Variants in ZBTB20 observed in about 807,000 individuals in gnomAD.
ZBTB20 encodes the protein zinc finger and BTB domain-containing protein 20.
A neutral mutation model predicts 56.9 loss-of-function variants in ZBTB20; 9 were observed. The observed-to-expected ratio is 0.16, with a 90% CI of 0.10 to 0.28. ZBTB20 has a LOEUF of 0.28. Ranked by LOEUF, ZBTB20 falls within the 10% of genes least tolerant of loss-of-function variation. The pLI is 1.00. For missense variants in ZBTB20, 655 were observed against 1,003.0 expected (o/e 0.65, Z 4.69); for synonymous variants, 417 against 420.7 (o/e 0.99, Z 0.11).
In ZBTB20 at chr3:114,576,327, G is replaced by T. The variant is rs1236887746; in HGVS notation, c.-294-75936C>A. On this transcript the variant is annotated intron_variant, in intron 6 of 11. Coordinates refer to ENST00000675478, the MANE Select transcript of ZBTB20 (RefSeq NM_001348800.3). ...ATCCTGGCTAACACAGTGAAACCCC[G>T]TCTCTACTAAAAATACAAAAAGAAA... Among the ~76,000 whole-genome samples the T allele has an allele frequency of 2.6e-5, 4 of 151,242 alleles. No homozygotes were observed. The East Asian group carries it at 7.8e-4, about 29-fold the overall frequency.
Position 114,380,226 on chromosome 3 carries a change from A to G in ZBTB20, c.190T>C (p.Ser64Pro). ...SLTNSHAHTGSSDCDISCKGM... is the reference protein window; with the variant it reads ...SLTNSHAHTGPSDCDISCKGM... ...TTAGTGGTGTACTCACAATCAGATG[A>G]CCCGGTGTGAGCGTGAGAGTTTGTC... The change falls in exon 10 of 12, where the codon TCA becomes CCA. Residue 64 changes from serine to proline, a missense_variant. Transcript: ENST00000675478. The G allele has an allele frequency of 6.5e-7, 1 of 1,536,136 alleles. No homozygotes were observed. The highest frequency in any genetic ancestry group is 8.7e-7 in the Non-Finnish European group (1 of 1,146,346).
chr3:114,873,964 G>C (rs1205772239), intron 4 of ZBTB20: 1 of 152,134 alleles, frequency 6.6e-6, no homozygotes, highest in African/African-American at 2.4e-5. Context: ...AACCAACACT[G>C]CCTGGACAAA....
At chr3:114,798,209 C>A (rs546736169) in intron 5 of ZBTB20, among the ~76,000 whole-genome samples, 1 of 151,862 alleles carries the variant, frequency 6.6e-6, no homozygotes, top group South Asian at 2.1e-4. Flanking sequence ...CCCAATTAAA[C>A]TACTGAAGTT....
At chr3:115,007,801 C>T (rs1056172662) in intron 2 of ZBTB20, among the ~76,000 whole-genome samples, 3 of 151,836 alleles carry the variant, frequency 2.0e-5, no homozygotes, top group African/African-American at 7.2e-5. Context: ...TCGCAAATCA[C>T]AAGACGGTCA....
At chr3:115,030,795 C>T (rs1326847854) in intron 2 of ZBTB20, among the ~76,000 whole-genome samples, 4 of 151,178 alleles carry the variant, frequency 2.6e-5, no homozygotes, top group African/African-American at 9.7e-5. Context: ...ATATACAAAC[C>T]GTGTCCCACA....
chr3:114,960,672 A>T (rs1012731668), intron 3 of ZBTB20, among the ~76,000 whole-genome samples: 17 of 152,238 alleles, frequency 1.1e-4, no homozygotes, highest in Non-Finnish European at 2.1e-4. Flanking sequence ...CCTTAAAAGA[A>T]TTATAATACA....
chr3:114,766,298 C>T (rs2056533), intron 5 of ZBTB20, among the ~76,000 whole-genome samples: 123,698 of 151,822 alleles, frequency 0.81, 51,799 homozygotes, highest in East Asian at 0.98. Context: ...GGCACAGAAA[C>T]GGATAAAAAA....
At position 114,614,317 on chromosome 3, in the gene ZBTB20, C is replaced by T. The variant is rs2057768786; in HGVS notation, c.-295+79211G>A. ...GGGGTAACATATATCAGAGATTTGG[C>T]TCTTACAGATTTTAATTTTTAATTG... On this transcript the variant is annotated intron_variant, in intron 6 of 11. Coordinates refer to ENST00000675478, the MANE Select transcript of ZBTB20 (RefSeq NM_001348800.3). 3.9e-5 allele frequency among the ~76,000 whole-genome samples: 6 copies of T among 152,248 alleles called. No individual in the cohort carries two copies. The South Asian group carries it at 1.2e-3, about 32-fold the overall frequency.
At chr3:114,748,326 CTTTCTTTCTTCTTTCTTTCTTTCTTT>C (rs2067248363) in intron 5 of ZBTB20, among the ~76,000 whole-genome samples, 1 of 99,880 alleles carries the variant, frequency 1.0e-5, no homozygotes, top group African/African-American at 3.5e-5. Flanking sequence ...TTCTTTCTTT[CTTTCTTTCTTCTTTCTTTCTTTCTTT>C]TCTCTCTCTC....
At position 114,681,830 on chromosome 3, in the gene ZBTB20, C is replaced by T. The variant is rs79126363; in HGVS notation, c.-295+11698G>A. Among the ~76,000 whole-genome samples, 162 of 152,224 alleles carry T rather than the reference C, an allele frequency of 1.1e-3. 1 individual carries two copies. The East Asian group carries it at 0.026, about 24-fold the overall frequency. ...TTGAAAAGTCATAAAGCTAGTTAGC[C>T]GCTGTGCAGCTGAACTTGACAGCCT... On this transcript the variant is annotated intron_variant, in intron 6 of 11. Transcript: ENST00000675478.
chr3:114,667,190 A>G (rs2061106980), intron 6 of ZBTB20, among the ~76,000 whole-genome samples: 1 of 152,036 alleles, frequency 6.6e-6, no homozygotes, highest in South Asian at 2.1e-4. Flanking sequence ...CTCCATGCTT[A>G]GCGTTCCAAT....
intron 3 of ZBTB20, among the ~76,000 whole-genome samples, chr3:114,964,499 A>T (rs186547021): frequency 3.0e-4 from 45 of 152,328 alleles, no homozygotes; most frequent in Admixed American, 2.5e-3. Flanking sequence ...GACACAGAAA[A>T]GATCAGTTGA....
At chr3:114,371,385 G>A (rs539307772) in intron 10 of ZBTB20, among the ~76,000 whole-genome samples, 1 of 152,112 alleles carries the variant, frequency 6.6e-6, no homozygotes, top group African/African-American at 2.4e-5. Context: ...TGTAGTGACA[G>A]GCACAAAAGA....
intron 7 of ZBTB20, among the ~76,000 whole-genome samples, chr3:114,467,384 G>A (rs1256434771): frequency 6.6e-6 from 1 of 152,144 alleles, no homozygotes; most frequent in Non-Finnish European, 1.5e-5. Flanking sequence ...AAGGGAGGAT[G>A]GATGAAAGAT....
At position 115,139,882 on chromosome 3, in the gene ZBTB20, C is replaced by T. The variant is rs1032267923; in HGVS notation, c.-703+7337G>A. ...AACTAATAGATTTATTATACTTACC[C>T]ACTATGAAAGATTATAAGTACTTAA... is the stretch of plus-strand genomic sequence containing the variant. On this transcript the variant is annotated intron_variant, in intron 1 of 11. Transcript: ENST00000675478. 3.8e-4 allele frequency among the ~76,000 whole-genome samples: 57 copies of T among 151,896 alleles called. 1 individual carries two copies. Among genetic ancestry groups the T allele is most frequent in the African/African-American group, 1.4e-3 (57 of 41,406 alleles).
intron 6 of ZBTB20, among the ~76,000 whole-genome samples, chr3:114,600,915 G>C (rs556537344): frequency 2.0e-5 from 3 of 150,542 alleles, no homozygotes; most frequent in Non-Finnish European, 4.4e-5. Context: ...TTTGTTGCTT[G>C]CCTTTTCTTG....
intron 7 of ZBTB20, among the ~76,000 whole-genome samples, chr3:114,470,999 G>A (rs1342425344): frequency 6.6e-6 from 1 of 152,150 alleles, no homozygotes; most frequent in Non-Finnish European, 1.5e-5. Flanking sequence ...AAATATGCAT[G>A]TATTTATAAA....
chr3:114,491,094 A>G lies in ZBTB20; in HGVS notation c.-255+9258T>C, dbSNP rs2042703794. On this transcript the variant is annotated intron_variant, in intron 7 of 11. Coordinates refer to ENST00000675478, the MANE Select transcript of ZBTB20 (RefSeq NM_001348800.3). ...CCAAACACAGTGCCTGATACAATAT[A>G]CTCAACAGATGCCTGGAGAATTTAA... Among the ~76,000 whole-genome samples the G allele has an allele frequency of 5.9e-5, 9 of 152,296 alleles. No individual in the cohort carries two copies. The South Asian group carries it at 1.9e-3, about 32-fold the overall frequency.
chr3:115,014,610 T>C (rs7648470), intron 2 of ZBTB20, among the ~76,000 whole-genome samples: 164 of 151,718 alleles, frequency 1.1e-3, no homozygotes, highest in African/African-American at 3.8e-3. Flanking sequence ...ATTGAGTTTT[T>C]TTCTGTGAAT....
Sources: allele counts gnomAD v4.1 joint callset (sites outside exome capture counted in the v4.1 genomes callset), GRCh38; gene constraint gnomAD v4.1.1; transcripts MANE v1.5; gene names NCBI Gene and HGNC (gene_info 2026-07-23, HGNC 2026-07-21).